DOCK9: variants seen among roughly 807,000 people sequenced by gnomAD.
The protein encoded by DOCK9 is dedicator of cytokinesis protein 9.
A neutral mutation model predicts 263.3 loss-of-function variants in DOCK9; 89 were observed. The ratio of observed to expected loss-of-function variants is 0.34; its 90% CI spans 0.28 to 0.40. The LOEUF (loss-of-function observed/expected upper bound fraction) is 0.40. DOCK9 is among the 10% of genes least tolerant of loss of function. DOCK9 has a pLI of 1.00. For missense variants in DOCK9, 2,140 were observed against 2,603.4 expected (o/e 0.82, Z 3.87); for synonymous variants, 976 against 973.1 (o/e 1.00, Z -0.06).
At chr13:98,885,252 T>A in intron 20 of DOCK9, 160 bp from the exon 21 acceptor site, 1 of 1,029,292 alleles carries the variant, frequency 9.7e-7, no homozygotes, top group Non-Finnish European at 1.4e-6. Context: ...CAGAACATTG[T>A]CTACAATGTA....
At chr13:99,037,737 T>G (rs1253579640) in intron 1 of DOCK9, among the ~76,000 whole-genome samples, 1 of 152,102 alleles carries the variant, frequency 6.6e-6, no homozygotes, top group Non-Finnish European at 1.5e-5. Context: ...ACAAACTAAC[T>G]GACTGATAAA....
chr13:98,796,034 C>T (rs965637332), intron 52 of DOCK9, among the ~76,000 whole-genome samples: 4 of 152,178 alleles, frequency 2.6e-5, no homozygotes, highest in African/African-American at 7.2e-5. Flanking sequence ...GCTGGGATTA[C>T]AGGAGTGAGC....
At chr13:98,923,848 T>C (rs2052484131) in intron 4 of DOCK9, among the ~76,000 whole-genome samples, 1 of 152,168 alleles carries the variant, frequency 6.6e-6, no homozygotes, top group Non-Finnish European at 1.5e-5. Context: ...TGCCCTCTCA[T>C]TTAATCCTTT....
chr13:99,019,629 C>T (rs900752853), intron 1 of DOCK9, among the ~76,000 whole-genome samples: 1 of 152,174 alleles, frequency 6.6e-6, no homozygotes, highest in Non-Finnish European at 1.5e-5. Flanking sequence ...ATTTTAGGAC[C>T]TCTTGGGAGC....
chr13:98,868,115 A>G lies in DOCK9; in HGVS notation c.3091-104T>C, dbSNP rs967433042. ...TAATAAGTTTATCCACTGACATAAA[A>G]AACATGCCATCAACATTGCCAGAGC... On this transcript the variant is annotated intron_variant, in intron 28 of 52. Coordinates refer to ENST00000682017, the MANE Select transcript of DOCK9 (RefSeq NM_001366683.2). The G allele has an allele frequency of 2.6e-6, 4 of 1,533,878 alleles. No homozygotes were observed. The African/African-American group carries it at 5.5e-5, about 21-fold the overall frequency.
intron 1 of DOCK9, among the ~76,000 whole-genome samples, chr13:99,008,208 C>CTATATATA (rs1264001021): frequency 8.2e-5 from 6 of 72,774 alleles, no homozygotes; most frequent in East Asian, 1.3e-3. Context: ...CTCTCTCTCT[C>CTATATATA]TCTCTATATA....
chr13:98,902,878 G>A (rs150653547), intron 11 of DOCK9, 94 bp downstream of exon 11: 10 of 1,185,782 alleles, frequency 8.4e-6, no homozygotes, highest in Non-Finnish European at 1.1e-5. Flanking sequence ...TGATACCAGG[G>A]ACTAGGATTT....
chr13:98,960,570 G>A (rs535816380), intron 1 of DOCK9, among the ~76,000 whole-genome samples: 3 of 152,262 alleles, frequency 2.0e-5, no homozygotes, highest in South Asian at 2.1e-4. Flanking sequence ...AGTCCATAAC[G>A]GTGGTTCTGA....
In DOCK9 at chr13:98,797,234, C is replaced by T. The variant is rs759380825; in HGVS notation, c.6037G>A (p.Gly2013Ser). 1.2e-5 allele frequency: 20 copies of T among 1,613,796 alleles called. No individual in the cohort carries two copies. In the East Asian group the frequency reaches 1.8e-4, roughly 14 times the overall value. The part of the protein sequence containing the change: ...EVFRQFVEAC[G>S]QALAVNERLI... The stretch of plus-strand genomic sequence containing the variant: ...CGTTCGTTTACCGCTAAGGCTTGAC[C>T]GCAAGCTTCCACAAATTGCCTGGAA... Residue 2013 changes from glycine to serine, a missense_variant, in exon 52 of 53, where the codon GGT (glycine) becomes AGT (serine). Gly to Ser is a moderately conservative substitution (Grantham distance 56, BLOSUM62 0). Around this residue, in one of 2 missense-constraint regions of DOCK9, gnomAD observed 619 missense variants for 861.8 expected, o/e 0.72. Transcript: ENST00000682017.
intron 27 of DOCK9, among the ~76,000 whole-genome samples, chr13:98,873,829 T>C (rs1194868472): frequency 6.6e-6 from 1 of 152,230 alleles, no homozygotes; most frequent in East Asian, 1.9e-4. Flanking sequence ...TCATAGCCAC[T>C]GAACCCACAG....
intron 3 of DOCK9, among the ~76,000 whole-genome samples, 199 bp downstream of exon 3, chr13:98,929,969 G>T (rs2140272387): frequency 6.6e-6 from 1 of 152,218 alleles, no homozygotes; most frequent in East Asian, 1.9e-4. Context: ...TAATAAAAAT[G>T]TAAAAAAGAA....
intron 1 of DOCK9, among the ~76,000 whole-genome samples, chr13:99,084,232 G>A (rs1373014214): frequency 6.6e-6 from 1 of 152,212 alleles, no homozygotes; most frequent in Non-Finnish European, 1.5e-5. Flanking sequence ...GTGGGGGGAT[G>A]AGGTGTGTGG....
intron 1 of DOCK9, among the ~76,000 whole-genome samples, chr13:98,999,603 CTTTTT>C (rs1169243860): frequency 1.4e-5 from 2 of 146,002 alleles, no homozygotes; most frequent in East Asian, 4.0e-4. Flanking sequence ...TTTCATGTTT[CTTTTT>C]TAACAGAAAG....
Position 98,925,898 on chromosome 13 carries a change from C to A in DOCK9, c.355G>T (p.Asp119Tyr). 1 of 1,586,812 alleles carries A rather than the reference C, an allele frequency of 6.3e-7. No individual in the cohort carries two copies. The highest frequency in any genetic ancestry group is 1.2e-5 in the South Asian group (1 of 86,760). ...VTECIKTYNS[D>Y]WHLVNYKYED... is the part of the protein sequence containing the mutation. ...TATTTATAGTTCACAAGATGCCAGT[C>A]AGAGTTATAGGTTTTGATGCACTAT... Residue 119 changes from aspartate (D) to tyrosine (Y), a missense_variant, in exon 4 of 53, where the codon GAC (aspartate) becomes TAC (tyrosine). This residue lies in a region of DOCK9 where 1,521 missense variants were observed against 1,741.7 expected (regional missense o/e 0.87). Coordinates refer to ENST00000682017, the MANE Select transcript of DOCK9 (RefSeq NM_001366683.2).
chr13:98,982,687 T>C (rs775950621), upstream of DOCK9, among the ~76,000 whole-genome samples: 10 of 152,196 alleles, frequency 6.6e-5, no homozygotes, highest in Non-Finnish European at 1.2e-4. Context: ...GGTGTATTTG[T>C]AAAAATATGC....
At position 98,886,642 on chromosome 13, in the gene DOCK9, A is replaced by G. The variant is rs760127183; in HGVS notation, c.2044-18T>C. On this transcript the variant is annotated intron_variant, in intron 18 of 52. Coordinates refer to ENST00000682017, the MANE Select transcript of DOCK9 (RefSeq NM_001366683.2). The stretch of plus-strand genomic sequence containing the variant: ...TAAATGCACTAAAATAAGAGTTACC[A>G]AAGGGAAACATCACGGTTCGATTAA... 4.1e-5 allele frequency: 66 copies of G among 1,601,556 alleles called. No individual in the cohort carries two copies. Among genetic ancestry groups the G allele is most frequent in the Non-Finnish European group, 5.3e-5 (62 of 1,169,320 alleles).
intron 1 of DOCK9, among the ~76,000 whole-genome samples, chr13:99,040,717 C>T (rs1888373228): frequency 6.6e-6 from 1 of 152,042 alleles, no homozygotes; most frequent in Admixed American, 6.6e-5. Context: ...CAGGAGTCCA[C>T]GACAACAGAG....
Position 98,928,426 on chromosome 13 carries a change from C to T in DOCK9, c.333+1742G>A, listed in dbSNP as rs147301668. 1.4e-4 allele frequency among the ~76,000 whole-genome samples: 22 copies of T among 152,226 alleles called. No individual in the cohort carries two copies. In the East Asian group the frequency reaches 4.1e-3, roughly 28 times the overall value. Reference sequence around the variant, plus strand: ...TTCACTCCACCCAAGTGGAAGGGTCCCAAAAGTGTTTAGTTATGTTGGCTC... The same window carrying T: ...TTCACTCCACCCAAGTGGAAGGGTCTCAAAAGTGTTTAGTTATGTTGGCTC... On this transcript the variant is annotated intron_variant, in intron 3 of 52. Coordinates refer to ENST00000682017, the MANE Select transcript of DOCK9 (RefSeq NM_001366683.2).
In DOCK9 at chr13:99,071,306, C is replaced by CCTTTTTTTTTTTTTTTTTTTTT. The variant is rs1286343497; in HGVS notation, c.129+14916_129+14917insAAAAAAAAAAAAAAAAAAAAAG. ...TACAGGTGCTTGCCACCATGCCTGG[C>CCTTTTTTTTTTTTTTTTTTTTT]TTTTTTTTTTTTTTTTTTTTTTTTT... On this transcript the variant is annotated intron_variant, in intron 1 of 32. Coordinates refer to the DOCK9 transcript ENST00000427887. 1.3e-3 allele frequency among the ~76,000 whole-genome samples: 66 copies of CCTTTTTTTTTTTTTTTTTTTTT among 49,328 alleles called. 3 individuals are homozygous for CCTTTTTTTTTTTTTTTTTTTTT. The highest frequency in any genetic ancestry group is 0.013 in the East Asian group (19 of 1,488). The allele number at this position is 49,328 out of a possible 152,430, so 32.4% of individuals were successfully genotyped here.
Sources: gnomAD v4.1 joint callset for allele counts (sites outside exome capture counted in the v4.1 genomes callset) on GRCh38, gnomAD v4.1.1 for gene constraint, gnomAD v4.1.1 regional missense constraint, MANE v1.5 for transcripts, NCBI Gene and HGNC (gene_info 2026-07-23, HGNC 2026-07-21) for gene names.